ARHGAP32: variants seen among roughly 807,000 people sequenced by gnomAD.
ARHGAP32 encodes the protein Rho GTPase activating protein 32.
ARHGAP32 carries 51 observed loss-of-function variants against 186.5 expected under a neutral mutation model. That is an observed-to-expected ratio of 0.27 (90% confidence interval 0.22 to 0.35). ARHGAP32 has a LOEUF of 0.35. ARHGAP32 is among the 10% of genes least tolerant of loss of function. ARHGAP32 has a pLI of 1.00. For missense variants in ARHGAP32, 2,186 were observed against 2,623.5 expected (o/e 0.83, Z 3.64); for synonymous variants, 950 against 964.3 (o/e 0.99, Z 0.27).
chr11:129,058,777 A>G (rs1940370465), intron 10 of ARHGAP32, among the ~76,000 whole-genome samples: 1 of 152,254 alleles, frequency 6.6e-6, no homozygotes, highest in South Asian at 2.1e-4. Flanking sequence ...GAACTAAGCT[A>G]TTATTTCAGT....
intron 11 of ARHGAP32, among the ~76,000 whole-genome samples, chr11:129,004,245 CTTTTTTTTTTT>C (rs71057919): frequency 8.6e-6 from 1 of 116,384 alleles, no homozygotes; most frequent in South Asian, 2.7e-4. Flanking sequence ...CAATGCTTTC[CTTTTTTTTTTT>C]TTTTTTTTTG....
At chr11:129,052,257 C>G (rs1272397581) in intron 10 of ARHGAP32, among the ~76,000 whole-genome samples, 2 of 152,302 alleles carry the variant, frequency 1.3e-5, no homozygotes, top group South Asian at 4.1e-4. Flanking sequence ...TTCTTTCCCA[C>G]TGATCTACTT....
upstream of ARHGAP32, among the ~76,000 whole-genome samples, chr11:129,193,531 AATATATATATTATATATAAT>A (rs1261419136): frequency 2.7e-4 from 17 of 64,066 alleles, no homozygotes; most frequent in South Asian, 2.2e-3. Flanking sequence ...TAGAGCATAT[AATATATATATTATATATAAT>A]ATATATATAT....
At chr11:129,118,547 T>C (rs1429273924) in intron 5 of ARHGAP32, among the ~76,000 whole-genome samples, 1 of 151,942 alleles carries the variant, frequency 6.6e-6, no homozygotes, top group Non-Finnish European at 1.5e-5. Context: ...TAAGAAAATA[T>C]AAATGATAAA....
intron 11 of ARHGAP32, among the ~76,000 whole-genome samples, chr11:129,004,525 T>G (rs1196186042): frequency 1.3e-5 from 2 of 152,122 alleles, no homozygotes; most frequent in African/African-American, 2.4e-5. Context: ...CTAACAATAT[T>G]TGCTTGATAT....
At chr11:129,121,495 C>T (rs533765140) in intron 5 of ARHGAP32, among the ~76,000 whole-genome samples, 2 of 152,112 alleles carry the variant, frequency 1.3e-5, no homozygotes, top group African/African-American at 4.8e-5. Context: ...AGTAGAGGAC[C>T]ATAAACACAG....
At chr11:129,032,416 C>T (rs1272011740) in intron 11 of ARHGAP32, among the ~76,000 whole-genome samples, 1 of 152,226 alleles carries the variant, frequency 6.6e-6, no homozygotes, top group Non-Finnish European at 1.5e-5. Context: ...AAATAATACA[C>T]AACCAAATGG....
chr11:129,137,976 ATTCTT>A (rs1322635133), intron 2 of ARHGAP32, among the ~76,000 whole-genome samples: 1 of 152,028 alleles, frequency 6.6e-6, no homozygotes, highest in Non-Finnish European at 1.5e-5. Flanking sequence ...GGGCTTTTTT[ATTCTT>A]TTCTTAACAT....
At chr11:129,051,466 C>T (rs972897742) in intron 10 of ARHGAP32, among the ~76,000 whole-genome samples, 1 of 152,120 alleles carries the variant, frequency 6.6e-6, no homozygotes, top group African/African-American at 2.4e-5. Context: ...TGTTTATATC[C>T]TTTGCCCACT....
At chr11:129,201,663 G>A (rs1444125187) in intron 1 of ARHGAP32, among the ~76,000 whole-genome samples, 1 of 152,082 alleles carries the variant, frequency 6.6e-6, no homozygotes, top group East Asian at 1.9e-4. Context: ...ACATTTACAT[G>A]TAGTGGTTAC....
intron 5 of ARHGAP32, among the ~76,000 whole-genome samples, chr11:129,116,033 T>C (rs1169910992): frequency 6.6e-6 from 1 of 152,040 alleles, no homozygotes; most frequent in Non-Finnish European, 1.5e-5. Flanking sequence ...AACCAGGGCC[T>C]AGGGAACCAA....
chr11:128,978,657 C>T, intron 19 of ARHGAP32, 113 bp downstream of exon 19: 1 of 1,079,436 alleles, frequency 9.3e-7, no homozygotes. Context: ...GTATGTGTGA[C>T]ACAACTGTGA....
intron 5 of ARHGAP32, among the ~76,000 whole-genome samples, chr11:129,112,944 C>T (rs138279771): frequency 6.6e-6 from 1 of 152,246 alleles, no homozygotes; most frequent in Admixed American, 6.5e-5. Context: ...ACTGCTATAG[C>T]TGCAATAACA....
Position 129,242,643 on chromosome 11 carries a change from G to A in ARHGAP32, c.-5+36503C>T, listed in dbSNP as rs554372467. Among the ~76,000 whole-genome samples, 530 of 150,866 alleles carry A rather than the reference G, an allele frequency of 3.5e-3. 3 individuals are homozygous for A. Among genetic ancestry groups the A allele is most frequent in the Middle Eastern group, 0.01 (3 of 294 alleles). Reference sequence around the variant, plus strand: ...TGAGGCAGGAGAATGGCATGAACCCGGGAGGTGGAGCTTGCAGTGAGCCGA... The same window carrying A: ...TGAGGCAGGAGAATGGCATGAACCCAGGAGGTGGAGCTTGCAGTGAGCCGA... On this transcript the variant is annotated intron_variant, in intron 1 of 6. Transcript: ENST00000525234.
At chr11:129,097,009 C>A (rs1012318719) in intron 5 of ARHGAP32, among the ~76,000 whole-genome samples, 1 of 150,550 alleles carries the variant, frequency 6.6e-6, no homozygotes, top group Non-Finnish European at 1.5e-5. Flanking sequence ...CGGACAAGAA[C>A]AATAAAAAAC....
At chr11:129,028,990 G>C (rs1793875676) in intron 11 of ARHGAP32, among the ~76,000 whole-genome samples, 2 of 152,156 alleles carry the variant, frequency 1.3e-5, no homozygotes, top group Admixed American at 6.5e-5. Flanking sequence ...AGAATGACTG[G>C]AAATGCTACA....
intron 6 of ARHGAP32, among the ~76,000 whole-genome samples, chr11:129,089,436 A>C (rs1025659642): frequency 6.6e-6 from 1 of 152,244 alleles, no homozygotes; most frequent in Non-Finnish European, 1.5e-5. Context: ...CAAGTCCTAA[A>C]GACTGGGAAG....
At position 129,278,134 on chromosome 11, in the gene ARHGAP32, C is replaced by T. The variant is rs1945556205; in HGVS notation, c.-5+1012G>A. 2.0e-5 allele frequency among the ~76,000 whole-genome samples: 3 copies of T among 152,252 alleles called. No individual in the cohort carries two copies. In the South Asian group the frequency reaches 6.2e-4, roughly 32 times the overall value. On this transcript the variant is annotated intron_variant, in intron 1 of 6. Transcript: ENST00000525234. The stretch of plus-strand genomic sequence containing the variant: ...CAACCAATGTATCAGAAAAGTTATC[C>T]CCATTCAGACTGACTTAAAAGGTCT...
intron 1 of ARHGAP32, among the ~76,000 whole-genome samples, chr11:129,235,402 C>T (rs956986388): frequency 6.6e-6 from 1 of 152,150 alleles, no homozygotes; most frequent in Non-Finnish European, 1.5e-5. Flanking sequence ...CCCTTAGGTA[C>T]TATATGTATA....
Sources: allele counts gnomAD v4.1 joint callset (sites outside exome capture counted in the v4.1 genomes callset), GRCh38; gene constraint gnomAD v4.1.1; transcripts MANE v1.5; gene names NCBI Gene and HGNC (gene_info 2026-07-23, HGNC 2026-07-21).